The following ARK2N variants were observed in gnomAD, a reference collection of about 807,000 sequenced individuals.
ARK2N encodes protein ARK2N.
the ARK2N span, among the ~76,000 whole-genome samples, chr18:46,249,791 A>G: frequency 6.6e-5 from 10 of 151,906 alleles, no homozygotes; most frequent in Admixed American, 6.6e-5. Context: ...CCATAGCCAA[A>G]CTTCTTAAAC....
chr18:46,241,919 C>T, the ARK2N span, among the ~76,000 whole-genome samples: 3 of 151,848 alleles, frequency 2.0e-5, no homozygotes, highest in African/African-American at 4.8e-5. Context: ...TGGGTTCAAG[C>T]GATTCTCCTG....
At chr18:46,194,457 C>CT in the ARK2N span, among the ~76,000 whole-genome samples, 2 of 150,300 alleles carry the variant, frequency 1.3e-5, no homozygotes, top group Non-Finnish European at 3.0e-5. Flanking sequence ...ATTACAGAAT[C>CT]TTTTTTTTGT....
chr18:46,192,723 C>A, the ARK2N span, among the ~76,000 whole-genome samples: 1 of 151,720 alleles, frequency 6.6e-6, no homozygotes, highest in African/African-American at 2.4e-5. Context: ...AGGCCCGCCA[C>A]CATGCCTGGC....
the ARK2N span, among the ~76,000 whole-genome samples, chr18:46,260,366 C>T: frequency 6.6e-6 from 1 of 152,030 alleles, no homozygotes; most frequent in African/African-American, 2.4e-5. Context: ...AGCTTTTGAC[C>T]GAAGATAGTA....
the ARK2N span, among the ~76,000 whole-genome samples, chr18:46,181,745 G>C: frequency 2.6e-5 from 4 of 152,088 alleles, no homozygotes; most frequent in African/African-American, 7.2e-5. Flanking sequence ...AATTGTGCTT[G>C]GGTAGTCTAG....
At chr18:46,185,445 G>A in the ARK2N span, among the ~76,000 whole-genome samples, 4 of 152,178 alleles carry the variant, frequency 2.6e-5, no homozygotes, top group Admixed American at 6.5e-5. Flanking sequence ...ATTGTTAGGT[G>A]TTAATTTTCT....
chr18:46,174,514 A>AT, the ARK2N span, among the ~76,000 whole-genome samples: 3 of 151,746 alleles, frequency 2.0e-5, no homozygotes, highest in African/African-American at 7.3e-5. Flanking sequence ...CGCAGCCTGG[A>AT]TTGCCGGCTG....
the ARK2N span, among the ~76,000 whole-genome samples, chr18:46,252,912 T>G: frequency 6.6e-6 from 1 of 152,328 alleles, no homozygotes; most frequent in East Asian, 1.9e-4. Flanking sequence ...GAATGTATTT[T>G]ATTGCATCAT....
chr18:46,224,487 G>A, the ARK2N span, among the ~76,000 whole-genome samples: 1 of 152,170 alleles, frequency 6.6e-6, no homozygotes, highest in Non-Finnish European at 1.5e-5. Flanking sequence ...TAAAGTGAAA[G>A]GAGTTAAAAT....
chr18:46,255,859 C>T, the ARK2N span, among the ~76,000 whole-genome samples: 2 of 151,512 alleles, frequency 1.3e-5, no homozygotes, highest in African/African-American at 4.9e-5. Context: ...CAAATTTTTT[C>T]CTATTAAATT....
chr18:46,257,213 G>A, the ARK2N span, among the ~76,000 whole-genome samples: 1 of 152,074 alleles, frequency 6.6e-6, no homozygotes, highest in African/African-American at 2.4e-5. Flanking sequence ...TCCTTGAGTT[G>A]TTCTCTGGAA....
chr18:46,189,779 G>A, the ARK2N span, among the ~76,000 whole-genome samples: 20 of 152,258 alleles, frequency 1.3e-4, no homozygotes, highest in South Asian at 1.0e-3. Context: ...TGGGCGGATC[G>A]CTTGAGCCTG....
chr18:46,247,242 AT>A, the ARK2N span, among the ~76,000 whole-genome samples: 1 of 152,310 alleles, frequency 6.6e-6, no homozygotes, highest in South Asian at 2.1e-4. Flanking sequence ...TTCATAAAAA[AT>A]AAAGTGATGA....
the ARK2N span, among the ~76,000 whole-genome samples, chr18:46,184,261 A>T: frequency 6.6e-6 from 1 of 152,064 alleles, no homozygotes; most frequent in African/African-American, 2.4e-5. Flanking sequence ...AAGTGCTGGG[A>T]TTACAGGTGT....
At chr18:46,244,277 T>C in the ARK2N span, among the ~76,000 whole-genome samples, 1 of 152,190 alleles carries the variant, frequency 6.6e-6, no homozygotes, top group Non-Finnish European at 1.5e-5. Context: ...TGAGGAAGGC[T>C]TATAGCTGTG....
chr18:46,250,829 A>C, the ARK2N span, among the ~76,000 whole-genome samples: 2 of 151,778 alleles, frequency 1.3e-5, no homozygotes, highest in Non-Finnish European at 2.9e-5. Flanking sequence ...CCCAAATCTC[A>C]CCAAACTTTT....
At chr18:46,227,145 T>A in the ARK2N span, among the ~76,000 whole-genome samples, 1 of 152,160 alleles carries the variant, frequency 6.6e-6, no homozygotes, top group African/African-American at 2.4e-5. Flanking sequence ...TCTTTCACAT[T>A]TATAATAACA....
At chr18:46,255,392 G>GTTTTTCTTTTTC in the ARK2N span, among the ~76,000 whole-genome samples, 2 of 144,104 alleles carry the variant, frequency 1.4e-5, no homozygotes, top group African/African-American at 5.2e-5. Flanking sequence ...GGCTGCTTCA[G>GTTTTTCTTTTTC]TTTTTCTTTT....
chr18:46,206,272 T>C, the ARK2N span, among the ~76,000 whole-genome samples: 2 of 150,394 alleles, frequency 1.3e-5, no homozygotes, highest in Non-Finnish European at 3.0e-5. Context: ...TTTTTGTAGA[T>C]ATGGAGTCTC....
Sources: gnomAD v4.1 joint callset for allele counts (sites outside exome capture counted in the v4.1 genomes callset) on GRCh38, gnomAD v4.1.1 for gene constraint, MANE v1.5 for transcripts, NCBI Gene and HGNC (gene_info 2026-07-23, HGNC 2026-07-21) for gene names.